Variants in PLPP1 observed in about 807,000 individuals in gnomAD.
The protein encoded by PLPP1 is phospholipid phosphatase 1.
A neutral mutation model predicts 31.2 loss-of-function variants in PLPP1; 24 were observed. The observed-to-expected ratio is 0.77, with a 90% CI of 0.56 to 1.08. The LOEUF (loss-of-function observed/expected upper bound fraction) is 1.08, where lower values mean the gene tolerates loss of function less well. Among genes scored for constraint, PLPP1 ranks in the 50% least tolerant of loss-of-function variants. The pLI is 0.00. For synonymous variants in PLPP1, 146 were observed against 126.3 expected (o/e 1.16, Z -1.05); for missense variants, 319 against 342.7 (o/e 0.93, Z 0.55).
At chr5:55,512,468 CA>C (rs370927824) in intron 1 of PLPP1, among the ~76,000 whole-genome samples, 108 of 10,238 alleles carry the variant, frequency 0.011, no homozygotes, top group Middle Eastern at 0.056. Flanking sequence ...AAGACTGTCT[CA>C]AAAAAAAAAA....
At chr5:55,425,422 T>C in intron 5 of PLPP1, 88 bp from the exon 6 acceptor site, 1 of 1,237,044 alleles carries the variant, frequency 8.1e-7, no homozygotes, top group Non-Finnish European at 1.1e-6. Context: ...AAGATAAATA[T>C]AAACAAAAGG....
intron 1 of PLPP1, among the ~76,000 whole-genome samples, chr5:55,485,745 G>A (rs1752763166): frequency 6.6e-6 from 1 of 151,974 alleles, no homozygotes; most frequent in Admixed American, 6.6e-5. Flanking sequence ...TATTCAGAAA[G>A]AACGATTACT....
At chr5:55,429,245 G>T (rs1751285307) in intron 4 of PLPP1, among the ~76,000 whole-genome samples, 1 of 142,166 alleles carries the variant, frequency 7.0e-6, no homozygotes, top group African/African-American at 2.6e-5. Flanking sequence ...ACAATGGAGT[G>T]GTTTCAAGAT....
chr5:55,435,625 G>A (rs1278032066), intron 4 of PLPP1, among the ~76,000 whole-genome samples: 1 of 152,040 alleles, frequency 6.6e-6, no homozygotes, highest in Admixed American at 6.5e-5. Context: ...GTAACGTACA[G>A]GAACACAACT....
chr5:55,520,109 C>A (rs1319295402), intron 1 of PLPP1, among the ~76,000 whole-genome samples: 1 of 152,186 alleles, frequency 6.6e-6, no homozygotes, highest in Non-Finnish European at 1.5e-5. Context: ...TCACACACAT[C>A]TTTATTTATT....
intron 1 of PLPP1, among the ~76,000 whole-genome samples, chr5:55,481,986 A>T (rs1373455220): frequency 6.7e-6 from 1 of 149,624 alleles, no homozygotes; most frequent in Non-Finnish European, 1.5e-5. Context: ...AGAGGGAAAT[A>T]CATATATATA....
chr5:55,467,310 G>C (rs185162969), intron 3 of PLPP1, among the ~76,000 whole-genome samples: 1 of 152,066 alleles, frequency 6.6e-6, no homozygotes, highest in Non-Finnish European at 1.5e-5. Context: ...ATTCATTTAA[G>C]TATTGTCTAT....
chr5:55,427,099 A>G (rs230748), intron 4 of PLPP1, among the ~76,000 whole-genome samples: 130,347 of 151,542 alleles, frequency 0.86, 56,456 homozygotes, highest in South Asian at 0.92. Context: ...AAAAAAAAAA[A>G]AAAAAGAAAA....
At chr5:55,450,109 A>G (rs1484196175) in intron 3 of PLPP1, among the ~76,000 whole-genome samples, 1 of 152,144 alleles carries the variant, frequency 6.6e-6, no homozygotes, top group Non-Finnish European at 1.5e-5. Context: ...ATTTAAAGCT[A>G]CTCTATTATA....
At chr5:55,488,539 G>C (rs999669690) in intron 1 of PLPP1, among the ~76,000 whole-genome samples, 5 of 151,962 alleles carry the variant, frequency 3.3e-5, no homozygotes, top group Non-Finnish European at 7.4e-5. Flanking sequence ...CCAGCTACTC[G>C]GGAGGTCAAG....
chr5:55,486,179 G>A (rs1481303426), intron 1 of PLPP1, among the ~76,000 whole-genome samples: 1 of 152,084 alleles, frequency 6.6e-6, no homozygotes, highest in Non-Finnish European at 1.5e-5. Flanking sequence ...AATGTTAAAT[G>A]TTAAAGCATT....
At chr5:55,500,765 T>C (rs1388668296) in intron 1 of PLPP1, among the ~76,000 whole-genome samples, 1 of 152,028 alleles carries the variant, frequency 6.6e-6, no homozygotes, top group Non-Finnish European at 1.5e-5. Flanking sequence ...TACCAGTGTA[T>C]ATGAGAGATG....
intron 1 of PLPP1, among the ~76,000 whole-genome samples, chr5:55,512,511 GA>G (rs1422340314): frequency 0.15 from 1,287 of 8,740 alleles, 78 homozygotes; most frequent in African/African-American, 0.26. Flanking sequence ...GAAAAGAAAA[GA>G]AAAGAAAGAA....
chr5:55,443,835 A>G (rs1374780217), intron 3 of PLPP1, among the ~76,000 whole-genome samples: 5 of 148,904 alleles, frequency 3.4e-5, no homozygotes, highest in Non-Finnish European at 4.4e-5. Flanking sequence ...ATTCAATCTC[A>G]GTGTCTATGT....
chr5:55,444,740 A>AG (rs1561225900), intron 3 of PLPP1, among the ~76,000 whole-genome samples: 1,159 of 16,462 alleles, frequency 0.07, 21 homozygotes, highest in African/African-American at 0.12. Flanking sequence ...ATGGGATTCT[A>AG]TTTTGTGTGT....
At chr5:55,447,785 T>C (rs554735348) in intron 3 of PLPP1, among the ~76,000 whole-genome samples, 13 of 152,280 alleles carry the variant, frequency 8.5e-5, no homozygotes, top group East Asian at 1.9e-4. Flanking sequence ...CATGAAGAAA[T>C]AGATGTTGTC....
At chr5:55,463,780 C>CATAAATAAATAAATAA (rs58202815) in intron 3 of PLPP1, among the ~76,000 whole-genome samples, 7 of 131,408 alleles carry the variant, frequency 5.3e-5, no homozygotes, top group African/African-American at 1.4e-4. Flanking sequence ...GACCCTGTCC[C>CATAAATAAATAAATAA]ATAAATAAAT....
chr5:55,516,972 AAT>A (rs1180298813), intron 1 of PLPP1, among the ~76,000 whole-genome samples: 3 of 152,154 alleles, frequency 2.0e-5, no homozygotes, highest in Admixed American at 6.6e-5. Context: ...AGAAAGTATT[AAT>A]ATGTCTTTAT....
chr5:55,529,910 T>C (rs1740604533), intron 1 of PLPP1, among the ~76,000 whole-genome samples: 1 of 152,226 alleles, frequency 6.6e-6, no homozygotes, highest in African/African-American at 2.4e-5. Context: ...CAACAGGGAT[T>C]CTCTTTCACC....
Sources: gnomAD v4.1 joint callset for allele counts (sites outside exome capture counted in the v4.1 genomes callset) on GRCh38, gnomAD v4.1.1 for gene constraint, MANE v1.5 for transcripts, NCBI Gene and HGNC (gene_info 2026-07-23, HGNC 2026-07-21) for gene names.